AGPAT4: variants seen among roughly 807,000 people sequenced by gnomAD.
AGPAT4 encodes the protein 1-acylglycerol-3-phosphate O-acyltransferase 4.
Under a neutral mutation model 48.0 loss-of-function variants are expected in AGPAT4, and 15 were observed. That is an observed-to-expected ratio of 0.31 (90% confidence interval 0.21 to 0.48). AGPAT4 has a LOEUF of 0.48. Ranked by LOEUF, AGPAT4 falls within the 20% of genes least tolerant of loss-of-function variation. The pLI, the probability that AGPAT4 is intolerant of heterozygous loss-of-function variation, is 0.99. For synonymous variants in AGPAT4, 178 were observed against 198.7 expected (o/e 0.90, Z 0.88); for missense variants, 314 against 482.5 (o/e 0.65, Z 3.27).
rs1430767483 is a variant in AGPAT4, at chr6:161,132,302, ATATCCT to A, written c.*4232_*4237del. Reference sequence around the variant, plus strand: ...CCAATTTCTTGTCCACACAGCCACCATATCCTTATATAGATGGGGAAAAATCCAGAA... The same window carrying A: ...CCAATTTCTTGTCCACACAGCCACCATATATAGATGGGGAAAAATCCAGAA... On this transcript the variant is annotated 3_prime_UTR_variant, in exon 9 of 9. Transcript: ENST00000320285. The A allele has an allele frequency of 6.6e-6, 1 of 152,236 alleles. No homozygotes were observed. The highest frequency in any genetic ancestry group is 2.4e-5 in the African/African-American group (1 of 41,462). 9.4% of individuals were successfully genotyped at this position (152,236 alleles called of 1,614,324 possible). A position where few individuals can be genotyped will look rare whatever the true frequency, so the allele number is the denominator to read the frequency against.
Position 161,149,390 on chromosome 6 carries a change from C to T in AGPAT4, c.665-101G>A, listed in dbSNP as rs1779525835. On this transcript the variant is annotated intron_variant, in intron 5 of 8. Transcript: ENST00000320285. The surrounding 1 kb of genome is among the most constrained non-coding windows in gnomAD (Gnocchi z 6.5). The stretch of plus-strand genomic sequence containing the variant: ...AAGACAATAATCAAATGGCTAACTG[C>T]TTATCTAGAAATGGTGTGGTCAGAT... 1.0e-6 allele frequency: 1 copy of T among 994,552 alleles called. No homozygotes were observed. Among genetic ancestry groups the T allele is most frequent in the East Asian group, 2.7e-5 (1 of 37,464 alleles). The allele number at this position is 994,552 out of a possible 1,614,324, so 61.6% of individuals were successfully genotyped here.
intron 1 of AGPAT4, among the ~76,000 whole-genome samples, chr6:161,273,151 C>A (rs1783477283): frequency 6.6e-6 from 1 of 152,152 alleles, no homozygotes; most frequent in Non-Finnish European, 1.5e-5. Context: ...AATATCTTAT[C>A]TTAAGAAGTG....
chr6:161,183,117 C>A (rs573356918), intron 2 of AGPAT4, among the ~76,000 whole-genome samples: 2 of 152,306 alleles, frequency 1.3e-5, no homozygotes, highest in East Asian at 3.9e-4. Context: ...TTTAAACTCC[C>A]TTCCCATAGA....
rs1783449763 is a variant in AGPAT4, at chr6:161,272,324, C to A, written c.-90+1614G>T. Among the ~76,000 whole-genome samples the A allele has an allele frequency of 6.6e-6, 1 of 152,130 alleles. No individual in the cohort carries two copies. Among genetic ancestry groups the A allele is most frequent in the Non-Finnish European group, 1.5e-5 (1 of 68,026 alleles). ...GCCGGAAGGTATGAGGGCTAAGTGA[C>A]CTTCACACATGTTTATCTTAAATTA... On this transcript the variant is annotated intron_variant, in intron 1 of 8. Transcript: ENST00000320285. The surrounding 1 kb of genome is among the most constrained non-coding windows in gnomAD (Gnocchi z 4.2).
At position 161,212,054 on chromosome 6, in the gene AGPAT4, T is replaced by C. The variant is rs1173010558; in HGVS notation, c.178+19982A>G. ...TCATTAATGTTGAAGGGCACACTGA[T>C]GCAAGACTAGCATATGGGCCCCTGT... On this transcript the variant is annotated intron_variant, in intron 2 of 8. Transcript: ENST00000320285. This position sits in a 1 kb window ranked among gnomAD's most constrained non-coding sequence, Gnocchi z 6.1. Among the ~76,000 whole-genome samples, 1 of 152,216 alleles carries C rather than the reference T, an allele frequency of 6.6e-6. No individual in the cohort carries two copies. Among genetic ancestry groups the C allele is most frequent in the Non-Finnish European group, 1.5e-5 (1 of 68,036 alleles).
rs537813245 is a variant in AGPAT4 at position 161,173,900 on chromosome 6, C to T, written c.179-7483G>A. Among the ~76,000 whole-genome samples, 35 of 152,184 alleles carry T rather than the reference C, an allele frequency of 2.3e-4. 1 individual carries two copies. Among genetic ancestry groups the T allele is most frequent in the Non-Finnish European group, 8.8e-5 (6 of 68,006 alleles). Reference sequence around the variant, plus strand: ...TTTCCCAGCACCATTTATTAAATAGCGAATCCTTTCCCCACTGCTTGTTTT... The same window carrying T: ...TTTCCCAGCACCATTTATTAAATAGTGAATCCTTTCCCCACTGCTTGTTTT... On this transcript the variant is annotated intron_variant, in intron 2 of 8. Transcript: ENST00000320285.
chr6:161,174,804 A>G (rs981678296), intron 2 of AGPAT4, among the ~76,000 whole-genome samples: 2 of 152,136 alleles, frequency 1.3e-5, no homozygotes, highest in African/African-American at 4.8e-5. Flanking sequence ...AGCTCTTATG[A>G]TTTTGAGATA....
rs16892311 is a variant in AGPAT4 at position 161,214,912 on chromosome 6, A to G, written c.178+17124T>C. Among the ~76,000 whole-genome samples the G allele has an allele frequency of 0.032, 4,910 of 152,292 alleles. 282 individuals carry two copies. The highest frequency in any genetic ancestry group is 0.11 in the African/African-American group (4,700 of 41,540). The stretch of plus-strand genomic sequence containing the variant: ...GGGCACGTGACTATATTTCAAAACT[A>G]TCTACGTTGACCTCCAAACCTGTTC... On this transcript the variant is annotated intron_variant, in intron 2 of 8. Transcript: ENST00000320285. The surrounding 1 kb of genome is among the most constrained non-coding windows in gnomAD (Gnocchi z 5.4).
chr6:161,146,389 GT>G lies in AGPAT4; in HGVS notation c.843+134del, dbSNP rs753911323. On this transcript the variant is annotated intron_variant, in intron 7 of 8. Coordinates refer to ENST00000320285, the MANE Select transcript of AGPAT4 (RefSeq NM_020133.3). This position sits in a 1 kb window ranked among gnomAD's most constrained non-coding sequence, Gnocchi z 7.1. The stretch of plus-strand genomic sequence containing the variant: ...TCATGTTCTTCATTGCCAAGAGAGG[GT>G]CAGCTCCAGACTCACTAATAACTGG... 1.8e-5 allele frequency: 13 copies of G among 710,832 alleles called. No individual in the cohort carries two copies. Among genetic ancestry groups the G allele is most frequent in the Non-Finnish European group, 3.0e-5 (13 of 427,058 alleles). The allele number at this position is 710,832 out of a possible 1,614,324, so 44.0% of individuals were successfully genotyped here.
Position 161,142,724 on chromosome 6 carries a change from C to A in AGPAT4, c.844-3104G>T, listed in dbSNP as rs1261100619. 6.6e-6 allele frequency among the ~76,000 whole-genome samples: 1 copy of A among 151,962 alleles called. No individual in the cohort carries two copies. The highest frequency in any genetic ancestry group is 2.1e-4 in the South Asian group (1 of 4,828). Reference sequence around the variant, plus strand: ...AAGTTGAGGAACAGAGAGGAAGAAGCGGCTCCTCTTAGTCAGCAAGTCTGG... The same window carrying A: ...AAGTTGAGGAACAGAGAGGAAGAAGAGGCTCCTCTTAGTCAGCAAGTCTGG... On this transcript the variant is annotated intron_variant, in intron 7 of 8. Transcript: ENST00000320285. This position sits in a 1 kb window ranked among gnomAD's most constrained non-coding sequence, Gnocchi z 6.4.
In AGPAT4 at chr6:161,266,764, C is replaced by T. The variant is rs933635377; in HGVS notation, c.-90+7174G>A. ...TGCATTGATTGTCTGCTGATGGCTGCAGTATCCTGGGAAGAAGATGTGCTT... is the reference window on the plus strand; with the variant it reads ...TGCATTGATTGTCTGCTGATGGCTGTAGTATCCTGGGAAGAAGATGTGCTT... On this transcript the variant is annotated intron_variant, in intron 1 of 8. Coordinates refer to ENST00000320285, the MANE Select transcript of AGPAT4 (RefSeq NM_020133.3). The surrounding 1 kb of genome is among the most constrained non-coding windows in gnomAD (Gnocchi z 6.2). Among the ~76,000 whole-genome samples the T allele has an allele frequency of 2.0e-5, 3 of 152,188 alleles. No individual in the cohort carries two copies. Among genetic ancestry groups the T allele is most frequent in the African/African-American group, 7.2e-5 (3 of 41,448 alleles).
chr6:161,156,432 T>C (rs1779770749), intron 3 of AGPAT4, among the ~76,000 whole-genome samples: 1 of 152,208 alleles, frequency 6.6e-6, no homozygotes, highest in Non-Finnish European at 1.5e-5. Flanking sequence ...CCAGATGACA[T>C]TTAGAGCCAC....
At chr6:161,258,632 G>A (rs1456122929) in intron 1 of AGPAT4, among the ~76,000 whole-genome samples, 1 of 151,842 alleles carries the variant, frequency 6.6e-6, no homozygotes, top group Non-Finnish European at 1.5e-5. Context: ...ATATATGTTG[G>A]GAGATGGTTC....
rs1782395580 is a variant in AGPAT4 at position 161,238,908 on chromosome 6, G to C, written c.-89-6606C>G. ...GCTTCCCCTTCTGCCATGATTGTAA[G>C]TTTCCTGAGGCCTCTCCAGCCCTGC... On this transcript the variant is annotated intron_variant, in intron 1 of 8. Transcript: ENST00000320285. This position sits in a 1 kb window ranked among gnomAD's most constrained non-coding sequence, Gnocchi z 5.2. Among the ~76,000 whole-genome samples, 2 of 152,174 alleles carry C rather than the reference G, an allele frequency of 1.3e-5. No individual in the cohort carries two copies. The highest frequency in any genetic ancestry group is 2.9e-5 in the Non-Finnish European group (2 of 68,032).
intron 3 of AGPAT4, among the ~76,000 whole-genome samples, chr6:161,162,202 C>T (rs1408192899): frequency 1.3e-5 from 2 of 152,210 alleles, no homozygotes; most frequent in African/African-American, 2.4e-5. Flanking sequence ...GTCATGTCAC[C>T]GTGGGGTGGG....
intron 3 of AGPAT4, among the ~76,000 whole-genome samples, chr6:161,162,553 A>G (rs1779967107): frequency 6.6e-6 from 1 of 152,224 alleles, no homozygotes; most frequent in Admixed American, 6.5e-5. Context: ...GCCCCTCCCG[A>G]GAGACCCTGC....
rs973246346 is a variant in AGPAT4, at chr6:161,244,741, C to A, written c.-89-12439G>T. Among the ~76,000 whole-genome samples, 2 of 152,180 alleles carry A rather than the reference C, an allele frequency of 1.3e-5. No individual in the cohort carries two copies. Among genetic ancestry groups the A allele is most frequent in the African/African-American group, 2.4e-5 (1 of 41,448 alleles). On this transcript the variant is annotated intron_variant, in intron 1 of 8. Coordinates refer to ENST00000320285, the MANE Select transcript of AGPAT4 (RefSeq NM_020133.3). This position sits in a 1 kb window ranked among gnomAD's most constrained non-coding sequence, Gnocchi z 4.7. ...CATCTCTCCCTTTGGTCTGGCCTAG[C>A]CCACCTACTCTGCCTGGGTCAACTG... is the stretch of plus-strand genomic sequence containing the variant.
chr6:161,194,622 GTGTGTATGTGTA>G (rs1202746560), intron 2 of AGPAT4, among the ~76,000 whole-genome samples: 1 of 144,478 alleles, frequency 6.9e-6, no homozygotes, highest in Non-Finnish European at 1.5e-5. Context: ...ATGTGTACAT[GTGTGTATGTGTA>G]TGTGTGTATG....
intron 3 of AGPAT4, among the ~76,000 whole-genome samples, chr6:161,163,796 C>T (rs1286429694): frequency 6.6e-6 from 1 of 152,184 alleles, no homozygotes; most frequent in Admixed American, 6.5e-5. Context: ...ACCCAAGGCC[C>T]CCACTGAGCA....
Sources: allele counts gnomAD v4.1 joint callset (sites outside exome capture counted in the v4.1 genomes callset), GRCh38; gene constraint gnomAD v4.1.1; non-coding constraint Gnocchi (gnomAD v3.1); transcripts MANE v1.5; gene names NCBI Gene and HGNC (gene_info 2026-07-23, HGNC 2026-07-21).